The following CEP128 variants were observed in gnomAD, a reference collection of about 807,000 sequenced individuals.
CEP128 encodes centrosomal protein 128.
CEP128 carries 132 observed loss-of-function variants against 156.7 expected under a neutral mutation model. The observed-to-expected ratio is 0.84, with a 90% CI of 0.73 to 0.97. The LOEUF is 0.97. Ranked by LOEUF, CEP128 falls within the 50% of genes least tolerant of loss-of-function variation. CEP128 has a pLI of 0.00. For missense variants in CEP128, 1,252 were observed against 1,281.9 expected, an observed-to-expected ratio of 0.98 and a Z score of 0.36; for synonymous variants, 469 against 448.9, an observed-to-expected ratio of 1.04 and a Z score of -0.57.
At chr14:80,900,166 T>C in intron 6 of CEP128, 137 bp from the exon 7 acceptor site, 1 of 559,412 alleles carries the variant, frequency 1.8e-6, no homozygotes, top group Non-Finnish European at 3.0e-6. Context: ...AGAAAACACC[T>C]ACTCTGAAAG....
chr14:80,483,507 G>A (rs1416512330), intron 14 of CEP128, among the ~76,000 whole-genome samples: 1 of 152,220 alleles, frequency 6.6e-6, no homozygotes, highest in Non-Finnish European at 1.5e-5. Context: ...CTATCAGGCA[G>A]AAGTTCCAAG....
At chr14:80,712,320 G>C (rs1042282686) in intron 19 of CEP128, among the ~76,000 whole-genome samples, 2 of 152,038 alleles carry the variant, frequency 1.3e-5, no homozygotes, top group African/African-American at 2.4e-5. Context: ...CTATTGTCAG[G>C]GTACAACTGA....
intron 8 of CEP128, among the ~76,000 whole-genome samples, chr14:80,882,700 T>C (rs1028972372): frequency 1.3e-5 from 2 of 152,130 alleles, no homozygotes; most frequent in African/African-American, 2.4e-5. Context: ...ATAAAGAAAA[T>C]GTACTTATAC....
At chr14:80,653,859 T>C (rs1895018811) in intron 19 of CEP128, among the ~76,000 whole-genome samples, 1 of 152,182 alleles carries the variant, frequency 6.6e-6, no homozygotes, top group South Asian at 2.1e-4. Context: ...CATTTTGTAA[T>C]GAAACAGAAC....
intron 6 of CEP128, among the ~76,000 whole-genome samples, chr14:80,901,444 G>A (rs2139426183): frequency 6.6e-6 from 1 of 152,248 alleles, no homozygotes; most frequent in Middle Eastern, 3.4e-3. Flanking sequence ...ACTGAGAAGT[G>A]GCTCAAAATC....
chr14:80,613,007 ATTTTTTTTT>A (rs66946967), intron 19 of CEP128, among the ~76,000 whole-genome samples: 4 of 114,702 alleles, frequency 3.5e-5, no homozygotes, highest in African/African-American at 9.7e-5. Flanking sequence ...CACCCGGCGA[ATTTTTTTTT>A]TTTTTTTTTT....
chr14:80,841,112 C>T (rs75723317), intron 9 of CEP128, among the ~76,000 whole-genome samples: 7,130 of 152,142 alleles, frequency 0.047, 188 homozygotes, highest in Middle Eastern at 0.062. Flanking sequence ...TAAGAAAATA[C>T]ACATTTCAAA....
chr14:80,886,704 G>A (rs988027219), intron 8 of CEP128, among the ~76,000 whole-genome samples: 1 of 152,156 alleles, frequency 6.6e-6, no homozygotes. Context: ...ATTGACAATA[G>A]GAAGAAACCG....
intron 19 of CEP128, among the ~76,000 whole-genome samples, chr14:80,649,163 T>C (rs113157655): frequency 2.0e-5 from 3 of 151,392 alleles, no homozygotes; most frequent in African/African-American, 7.3e-5. Context: ...TGAACAGGAG[T>C]GGGGAGAAGA....
chr14:80,827,657 GAATTTCTACTATAATTATGAACAAAC>G (rs2140027440), intron 13 of CEP128, among the ~76,000 whole-genome samples: 1 of 152,284 alleles, frequency 6.6e-6, no homozygotes, highest in East Asian at 1.9e-4. Context: ...GGGAGGTTGA[GAATTTCTACTATAATTATGAACAAAC>G]AACCCTTAAG....
chr14:80,935,759 G>A (rs1885769154), intron 2 of CEP128, among the ~76,000 whole-genome samples: 1 of 150,962 alleles, frequency 6.6e-6, no homozygotes, highest in Non-Finnish European at 1.5e-5. Context: ...TGGTCATCAT[G>A]GTAGAAGCCA....
chr14:80,741,001 C>T (rs1898805302), intron 19 of CEP128, among the ~76,000 whole-genome samples: 1 of 152,138 alleles, frequency 6.6e-6, no homozygotes, highest in South Asian at 2.1e-4. Context: ...CAAATTTCAT[C>T]TTTAAGGTAA....
At chr14:80,492,554 G>A (rs1166367840), downstream of CEP128, among the ~76,000 whole-genome samples, 3 of 152,040 alleles carry the variant, frequency 2.0e-5, no homozygotes, top group Non-Finnish European at 4.4e-5. Flanking sequence ...AGAGAGACTG[G>A]GAGAGATGAA....
intron 2 of CEP128, among the ~76,000 whole-genome samples, chr14:80,954,586 C>T (rs1317458346): frequency 2.0e-5 from 3 of 152,132 alleles, no homozygotes; most frequent in Non-Finnish European, 4.4e-5. Context: ...TATTCTGATT[C>T]CCATAACCAC....
At chr14:80,525,370 T>C (rs1281947112) in intron 23 of CEP128, among the ~76,000 whole-genome samples, 1 of 152,178 alleles carries the variant, frequency 6.6e-6, no homozygotes, top group Non-Finnish European at 1.5e-5. Context: ...CTTTCTTCAA[T>C]GGCATAAGAA....
At chr14:80,784,814 T>A in intron 15 of CEP128, 81 bp downstream of exon 15, 1 of 1,170,526 alleles carries the variant, frequency 8.5e-7, no homozygotes, top group Non-Finnish European at 1.2e-6. Context: ...CAGAATGATC[T>A]CTAAAAGTTT....
Position 80,768,248 on chromosome 14 carries a change from G to A in CEP128, c.2377-6635C>T, listed in dbSNP as rs149974177. On this transcript the variant is annotated intron_variant, in intron 16 of 24. Coordinates refer to ENST00000555265, the MANE Select transcript of CEP128 (RefSeq NM_152446.5). ...ATTGAGGACAATCACCTTGTCAGTGGCGAGGCTATTGTAACTATCAAGACA... is the reference window on the plus strand; with the variant it reads ...ATTGAGGACAATCACCTTGTCAGTGACGAGGCTATTGTAACTATCAAGACA... 3.0e-4 allele frequency among the ~76,000 whole-genome samples: 45 copies of A among 152,226 alleles called. 1 individual carries two copies. The highest frequency in any genetic ancestry group is 1.1e-3 in the African/African-American group (45 of 41,546).
At chr14:80,868,487 A>G (rs143715838) in intron 8 of CEP128, among the ~76,000 whole-genome samples, 1 of 152,272 alleles carries the variant, frequency 6.6e-6, no homozygotes, top group Non-Finnish European at 1.5e-5. Flanking sequence ...ACCACAAAGA[A>G]AAAAACTTGT....
At chr14:80,559,975 T>C (rs1326139179) in intron 20 of CEP128, among the ~76,000 whole-genome samples, 1 of 152,208 alleles carries the variant, frequency 6.6e-6, no homozygotes, top group Non-Finnish European at 1.5e-5. Context: ...CATAGTTGTA[T>C]TCTCAAGTCT....
Sources: allele counts gnomAD v4.1 joint callset (sites outside exome capture counted in the v4.1 genomes callset), GRCh38; gene constraint gnomAD v4.1.1; transcripts MANE v1.5; gene names NCBI Gene and HGNC (gene_info 2026-07-23, HGNC 2026-07-21).